LRFN5: variants seen among roughly 807,000 people sequenced by gnomAD.
LRFN5 encodes the protein leucine-rich repeat and fibronectin type-III domain-containing protein 5.
Under a neutral mutation model 45.6 loss-of-function variants are expected in LRFN5, and 24 were observed. That is an observed-to-expected ratio of 0.53 (90% CI 0.38 to 0.74). The LOEUF (loss-of-function observed/expected upper bound fraction) is 0.74. Among genes scored for constraint, LRFN5 ranks in the 30% least tolerant of loss-of-function variants. The pLI, the probability that LRFN5 is intolerant of heterozygous loss-of-function variation, is 0.00. For synonymous variants in LRFN5, 340 were observed against 313.8 expected, an observed-to-expected ratio of 1.08 and a Z score of -0.88; for missense variants, 776 against 861.5, an observed-to-expected ratio of 0.90 and a Z score of 1.24.
At chr14:41,832,493 C>T (rs1015883919) in intron 2 of LRFN5, among the ~76,000 whole-genome samples, 1 of 152,054 alleles carries the variant, frequency 6.6e-6, no homozygotes, top group Admixed American at 6.5e-5. Context: ...CCCTTCGGAA[C>T]TAAGATTATT....
At chr14:41,895,147 CT>C (rs1180208980) in intron 4 of LRFN5, among the ~76,000 whole-genome samples, 1 of 151,830 alleles carries the variant, frequency 6.6e-6, no homozygotes. Flanking sequence ...ATTTTTGTCC[CT>C]TTTGAATAAT....
intron 1 of LRFN5, among the ~76,000 whole-genome samples, chr14:41,707,284 T>C (rs1883106085): frequency 6.6e-6 from 1 of 152,224 alleles, no homozygotes. Flanking sequence ...ATTATCTGTC[T>C]TATTTATTAA....
chr14:41,817,004 T>TG (rs1272235003), intron 2 of LRFN5, among the ~76,000 whole-genome samples: 3 of 151,102 alleles, frequency 2.0e-5, no homozygotes, highest in African/African-American at 4.8e-5. Context: ...GGAAGTTTTT[T>TG]TTTTTTTTTT....
At chr14:41,812,286 G>A (rs975886857) in intron 2 of LRFN5, among the ~76,000 whole-genome samples, 19 of 151,664 alleles carry the variant, frequency 1.3e-4, no homozygotes, top group African/African-American at 4.4e-4. Context: ...ACAGAATTTG[G>A]ATTTATTATA....
intron 1 of LRFN5, among the ~76,000 whole-genome samples, chr14:41,750,496 G>T (rs1885085711): frequency 6.6e-6 from 1 of 151,458 alleles, no homozygotes. Context: ...TTATTTTGAA[G>T]GTCACATAAA....
At chr14:41,781,578 AAGAAAG>A (rs748687612) in intron 2 of LRFN5, among the ~76,000 whole-genome samples, 1,698 of 114,502 alleles carry the variant, frequency 0.015, 22 homozygotes, top group African/African-American at 0.036. Context: ...GAAAGAAAGA[AAGAAAG>A]AAAGAAAGAA....
intron 2 of LRFN5, among the ~76,000 whole-genome samples, chr14:41,866,634 A>G (rs1258884786): frequency 6.6e-6 from 1 of 152,078 alleles, no homozygotes; most frequent in African/African-American, 2.4e-5. Context: ...ATTTTATATT[A>G]TTATATAAGA....
chr14:41,837,664 T>C (rs184756306), intron 2 of LRFN5, among the ~76,000 whole-genome samples: 3 of 152,174 alleles, frequency 2.0e-5, no homozygotes, highest in Non-Finnish European at 4.4e-5. Flanking sequence ...GGGATCATTT[T>C]TTTTTTCAGT....
At chr14:41,797,052 A>G (rs998382810) in intron 2 of LRFN5, among the ~76,000 whole-genome samples, 2 of 151,824 alleles carry the variant, frequency 1.3e-5, no homozygotes, top group Admixed American at 6.6e-5. Flanking sequence ...GTTACTAATT[A>G]TTTCAAATAG....
chr14:41,677,411 T>C (rs1039023992), intron 1 of LRFN5, among the ~76,000 whole-genome samples: 1 of 152,048 alleles, frequency 6.6e-6, no homozygotes, highest in Admixed American at 6.6e-5. Context: ...AAACTTCCTC[T>C]GAAGGTGGAA....
chr14:41,778,062 T>C (rs1327435652), intron 2 of LRFN5, among the ~76,000 whole-genome samples: 2 of 151,368 alleles, frequency 1.3e-5, no homozygotes, highest in Admixed American at 6.6e-5. Context: ...ATCTCAATAT[T>C]TGATAATTTT....
chr14:41,904,421 GA>G lies in LRFN5; in HGVS notation c.*253del, dbSNP rs1298239889. ...CTACAAGTATTTTTTTTTTAAAAAAGAAAAAAAGCCTACATTGGCATCAAGT... is the reference window on the plus strand; with the variant it reads ...CTACAAGTATTTTTTTTTTAAAAAAGAAAAAAGCCTACATTGGCATCAAGT... On this transcript the variant is annotated 3_prime_UTR_variant, in exon 6 of 6. Transcript: ENST00000298119. The G allele has an allele frequency of 1.4e-5, 6 of 434,806 alleles. No homozygotes were observed. The highest frequency in any genetic ancestry group is 2.1e-5 in the African/African-American group (1 of 48,682). 26.9% of individuals were successfully genotyped at this position (434,806 alleles called of 1,614,324 possible).
chr14:41,783,976 T>C (rs960990243), intron 2 of LRFN5, among the ~76,000 whole-genome samples: 1 of 152,160 alleles, frequency 6.6e-6, no homozygotes, highest in African/African-American at 2.4e-5. Flanking sequence ...TTAATGCTGC[T>C]TTCCACAAGC....
intron 2 of LRFN5, among the ~76,000 whole-genome samples, chr14:41,865,653 C>A (rs1309085613): frequency 6.6e-6 from 1 of 152,132 alleles, no homozygotes; most frequent in Non-Finnish European, 1.5e-5. Context: ...TAACTGCTTG[C>A]AAAGTGGCTA....
intron 1 of LRFN5, among the ~76,000 whole-genome samples, chr14:41,610,661 T>TAAAAAAAAAAAAACAAA (rs1887712246): frequency 2.7e-5 from 1 of 37,340 alleles, no homozygotes; most frequent in Non-Finnish European, 6.8e-5. Context: ...CCAGGGAAGG[T>TAAAAAAAAAAAAACAAA]AAAAAAAAAA....
chr14:41,705,432 A>C (rs888721006), intron 1 of LRFN5, among the ~76,000 whole-genome samples: 1 of 152,210 alleles, frequency 6.6e-6, no homozygotes, highest in Non-Finnish European at 1.5e-5. Context: ...GAAATAATAC[A>C]TACTATTTTG....
intron 2 of LRFN5, among the ~76,000 whole-genome samples, chr14:41,800,351 A>C (rs962294761): frequency 1.3e-5 from 2 of 152,030 alleles, no homozygotes; most frequent in Admixed American, 1.3e-4. Flanking sequence ...ATATTATTTT[A>C]GTTTATAATT....
chr14:41,858,295 G>A (rs759408173), intron 2 of LRFN5, among the ~76,000 whole-genome samples: 5 of 152,070 alleles, frequency 3.3e-5, no homozygotes, highest in African/African-American at 4.8e-5. Context: ...TGCCACCTTC[G>A]TGTAAAGGTG....
Position 41,734,024 on chromosome 14 carries a change from C to CTTTT in LRFN5, c.-196-32829_-196-32826dup, listed in dbSNP as rs1241948731. Among the ~76,000 whole-genome samples the CTTTT allele has an allele frequency of 6.3e-3, 723 of 115,098 alleles. 2 individuals are homozygous for CTTTT. The highest frequency in any genetic ancestry group is 8.6e-3 in the Non-Finnish European group (491 of 57,354). The allele number at this position is 115,098 out of a possible 152,430, so 75.5% of individuals were successfully genotyped here. On this transcript the variant is annotated intron_variant, in intron 1 of 5. Transcript: ENST00000298119. ...ATATATATATTTTTTCTTTTCTTTT[C>CTTTT]TTTTCTTTTTTTTTTTTTGTGATGG...
Sources: gnomAD v4.1 joint callset for allele counts (sites outside exome capture counted in the v4.1 genomes callset) on GRCh38, gnomAD v4.1.1 for gene constraint, MANE v1.5 for transcripts, NCBI Gene and HGNC (gene_info 2026-07-23, HGNC 2026-07-21) for gene names.